CEP192: variants seen among roughly 807,000 people sequenced by gnomAD.
The protein encoded by CEP192 is centrosomal protein of 192 kDa.
A neutral mutation model predicts 271.8 loss-of-function variants in CEP192; 151 were observed. That is an observed-to-expected ratio of 0.56 (90% CI 0.49 to 0.64). The LOEUF is 0.64. CEP192 is among the 30% of genes least tolerant of loss of function. CEP192 has a pLI of 0.00. For synonymous variants in CEP192, 995 were observed against 1,076.5 expected (o/e 0.92, Z 1.48); for missense variants, 2,910 against 3,020.5 (o/e 0.96, Z 0.86).
At chr18:13,039,339 C>T (rs1459989424) in intron 13 of CEP192, among the ~76,000 whole-genome samples, 1 of 151,908 alleles carries the variant, frequency 6.6e-6, no homozygotes, top group Non-Finnish European at 1.5e-5. Flanking sequence ...GCTGTAATCC[C>T]AGCTACTTGG....
Position 13,124,740 on chromosome 18 carries a change from A to G in CEP192, c.7584A>G (p.Arg2528=). 1.2e-6 allele frequency: 2 copies of G among 1,612,420 alleles called. No homozygotes were observed. The highest frequency in any genetic ancestry group is 1.7e-6 in the Non-Finnish European group (2 of 1,178,680). Residue 2528 remains arginine, a synonymous_variant, in exon 45 of 45, where the codon CGA becomes CGG. Transcript: ENST00000506447. ...QTDEGKSIAI[R]LIGEALGKN ...ATGAAGGCAAGAGTATTGCTATTCG[A>G]CTAATTGGTGAAGCTCTTGGAAAAA...
In CEP192 at chr18:13,061,340, T is replaced by C. The variant is rs538394404; in HGVS notation, c.4488+2028T>C. Among the ~76,000 whole-genome samples the C allele has an allele frequency of 2.0e-5, 3 of 152,338 alleles. No homozygotes were observed. In the East Asian group the frequency reaches 5.8e-4, roughly 29 times the overall value. ...TCTGCCTGAAAAAAAATAAAGTTAA[T>C]TAGTTTTTTCATTCCACAAAGCTGT... On this transcript the variant is annotated intron_variant, in intron 21 of 44. Transcript: ENST00000506447.
At position 13,074,229 on chromosome 18, in the gene CEP192, T is replaced by TA. The variant is rs539018821; in HGVS notation, c.5616+1045dup. ...TTTAGAATTAGGTATGTATGACAAATACAGCTTTGACGCTGGAGCTTGAGC... is the reference window on the plus strand; with the variant it reads ...TTTAGAATTAGGTATGTATGACAAATAACAGCTTTGACGCTGGAGCTTGAGC... On this transcript the variant is annotated intron_variant, in intron 30 of 44. Transcript: ENST00000506447. Among the ~76,000 whole-genome samples the TA allele has an allele frequency of 1.8e-4, 27 of 152,336 alleles. No individual in the cohort carries two copies. In the East Asian group the frequency reaches 5.0e-3, roughly 28 times the overall value.
chr18:13,013,174 A>G, intron 5 of CEP192, 149 bp downstream of exon 5: 1 of 536,164 alleles, frequency 1.9e-6, no homozygotes, highest in African/African-American at 1.9e-5. Flanking sequence ...TAAAAATGGG[A>G]GTTTCTCTCA....
intron 9 of CEP192, among the ~76,000 whole-genome samples, chr18:13,023,431 G>A (rs2035107427): frequency 6.8e-6 from 1 of 148,040 alleles, no homozygotes; most frequent in African/African-American, 2.5e-5. Flanking sequence ...TCTCTCTCTA[G>A]TTTACTGGGA....
intron 1 of CEP192, among the ~76,000 whole-genome samples, chr18:12,994,185 TA>T (rs1289957187): frequency 6.6e-6 from 1 of 152,204 alleles, no homozygotes; most frequent in African/African-American, 2.4e-5. Flanking sequence ...AGAAGACAGA[TA>T]AATACAAGAA....
At chr18:13,060,473 C>A (rs529007204) in intron 21 of CEP192, among the ~76,000 whole-genome samples, 107 of 152,224 alleles carry the variant, frequency 7.0e-4, no homozygotes, top group Non-Finnish European at 1.2e-3. Flanking sequence ...TAGGCTACAC[C>A]AAATTCATAA....
intron 4 of CEP192, among the ~76,000 whole-genome samples, chr18:13,009,769 A>G (rs935578036): frequency 4.6e-5 from 7 of 152,112 alleles, no homozygotes; most frequent in African/African-American, 1.7e-4. Context: ...GGAGGCGGAG[A>G]TTGCAGCAAG....
chr18:13,078,391 A>G (rs1049390629), intron 30 of CEP192, among the ~76,000 whole-genome samples: 2 of 152,184 alleles, frequency 1.3e-5, no homozygotes, highest in African/African-American at 4.8e-5. Flanking sequence ...TGCAATAAAC[A>G]TATGTGTGCA....
Position 13,049,270 on chromosome 18 carries a change from T to A in CEP192, c.2479T>A (p.Leu827Ile). Residue 827 changes from leucine (L) to isoleucine (I), a missense_variant, in exon 16 of 45, where the codon TTA becomes ATA. By Grantham distance (5) the Leu-to-Ile change is conservative (BLOSUM62 2). Transcript: ENST00000506447. ...QTTQDIHPVD[L>I]SATSVSVRAP... Reference sequence around the variant, plus strand: ...TACTCAAGACATTCATCCGGTGGACTTAAGTGCTACTAGTGTAAGTGTGAG... The same window carrying A: ...TACTCAAGACATTCATCCGGTGGACATAAGTGCTACTAGTGTAAGTGTGAG... The A allele has an allele frequency of 6.2e-7, 1 of 1,614,160 alleles. No individual in the cohort carries two copies. The highest frequency in any genetic ancestry group is 1.3e-5 in the African/African-American group (1 of 75,050).
chr18:12,992,822 T>C (rs2032959052), intron 1 of CEP192, among the ~76,000 whole-genome samples: 2 of 152,300 alleles, frequency 1.3e-5, no homozygotes, highest in South Asian at 4.1e-4. Flanking sequence ...AGCTGCCTTA[T>C]TTATCTTTGC....
intron 11 of CEP192, among the ~76,000 whole-genome samples, chr18:13,036,528 C>T (rs1225334910): frequency 6.6e-6 from 1 of 152,266 alleles, no homozygotes; most frequent in African/African-American, 2.4e-5. Context: ...GGCTGGCATA[C>T]ATTTCACCAA....
intron 5 of CEP192, among the ~76,000 whole-genome samples, chr18:13,014,821 T>C (rs924141947): frequency 2.0e-5 from 3 of 151,316 alleles, no homozygotes; most frequent in Non-Finnish European, 4.4e-5. Context: ...TGAAATATAA[T>C]CACACTTAGA....
In CEP192 at chr18:13,029,751, A is replaced by AT. The variant is rs765141722; in HGVS notation, c.1140dup (p.Arg381Ter). 1.3e-4 allele frequency: 194 copies of AT among 1,551,544 alleles called. No individual in the cohort carries two copies. Among genetic ancestry groups the AT allele is most frequent in the Non-Finnish European group, 1.6e-4 (186 of 1,146,952 alleles). ...GATAATTTTCATGATGCAAATGCCA[A>AT]TAGAGGTGGTTTTGATCTGACTGAC... On this transcript the variant is annotated frameshift_variant, in exon 10 of 45. Coordinates refer to ENST00000506447, the MANE Select transcript of CEP192 (RefSeq NM_032142.4). LOFTEE classifies it high-confidence loss of function.
intron 1 of CEP192, among the ~76,000 whole-genome samples, chr18:12,993,268 A>C (rs931519067): frequency 6.6e-6 from 1 of 152,130 alleles, no homozygotes; most frequent in Non-Finnish European, 1.5e-5. Context: ...GAATGGAGGA[A>C]AGGTAACAAG....
At chr18:13,099,447 T>C (rs1358085446) in intron 36 of CEP192, 29 bp from the exon 37 acceptor site, 3 of 1,179,560 alleles carry the variant, frequency 2.5e-6, no homozygotes, top group Non-Finnish European at 3.7e-6. Context: ...GCAGGCTCTT[T>C]TTAATTTTCT....
chr18:13,046,384 A>G (rs1169991028), intron 15 of CEP192, among the ~76,000 whole-genome samples: 4 of 152,176 alleles, frequency 2.6e-5, no homozygotes, highest in South Asian at 2.1e-4. Context: ...ACTATATCAC[A>G]GTCTTTCTAC....
chr18:13,106,701 C>T (rs1406674879), intron 40 of CEP192, among the ~76,000 whole-genome samples: 10 of 151,296 alleles, frequency 6.6e-5, no homozygotes, highest in Admixed American at 1.3e-4. Flanking sequence ...CTTACAACTA[C>T]GGTCATCTTC....
Position 13,056,546 on chromosome 18 carries a change from G to A in CEP192, c.3956G>A (p.Gly1319Asp). 2 of 1,614,168 alleles carry A rather than the reference G, an allele frequency of 1.2e-6. No individual in the cohort carries two copies. The highest frequency in any genetic ancestry group is 1.3e-5 in the African/African-American group (1 of 75,040). Residue 1319 changes from glycine (G) to aspartate (D), a missense_variant, in exon 19 of 45, where the codon GGC becomes GAC. Coordinates refer to ENST00000506447, the MANE Select transcript of CEP192 (RefSeq NM_032142.4). ...AVGICLGSNI[G>D]SGWMGTSSLC... ...GGAATTTGTCTAGGATCAAATATCG[G>A]CTCTGGATGGATGGGTACCTCTTCC...
Sources: gnomAD v4.1 joint callset for allele counts (sites outside exome capture counted in the v4.1 genomes callset) on GRCh38, gnomAD v4.1.1 for gene constraint, MANE v1.5 for transcripts, NCBI Gene and HGNC (gene_info 2026-07-23, HGNC 2026-07-21) for gene names.